LINGO2: variants seen among roughly 807,000 people sequenced by gnomAD.
The protein encoded by LINGO2 is leucine rich repeat and Ig domain containing 2.
A neutral mutation model predicts 30.6 loss-of-function variants in LINGO2; 14 were observed. The observed-to-expected ratio is 0.46, with a 90% CI of 0.30 to 0.72. LINGO2 has a LOEUF of 0.72. Ranked by LOEUF, LINGO2 falls within the 30% of genes least tolerant of loss-of-function variation. The probability of loss-of-function intolerance (pLI) is 0.07; values close to 1 mark genes in which losing one functional copy is unlikely to be tolerated. For missense variants in LINGO2, 729 were observed against 751.7 expected (o/e 0.97, Z 0.35); for synonymous variants, 317 against 288.5 (o/e 1.10, Z -1.00).
intron 2 of LINGO2, among the ~76,000 whole-genome samples, chr9:28,442,702 T>G (rs1457780695): frequency 1.3e-5 from 2 of 152,172 alleles, no homozygotes; most frequent in Non-Finnish European, 2.9e-5. Flanking sequence ...CAGAGGCTTC[T>G]GCTAGGTAAT....
At chr9:28,876,058 T>G in the LINGO2 span, among the ~76,000 whole-genome samples, 2 of 152,112 alleles carry the variant, frequency 1.3e-5, no homozygotes, top group Non-Finnish European at 2.9e-5. Context: ...CCGAGTATTT[T>G]TTAAACCATG....
chr9:27,973,094 G>A (rs143462136), intron 5 of LINGO2, among the ~76,000 whole-genome samples: 16 of 152,194 alleles, frequency 1.1e-4, no homozygotes, highest in South Asian at 4.1e-4. Context: ...CTGGTTTTCC[G>A]GCTTGCAGAG....
the LINGO2 span, among the ~76,000 whole-genome samples, chr9:29,004,119 G>A: frequency 2.6e-5 from 4 of 151,854 alleles, no homozygotes; most frequent in African/African-American, 4.8e-5. Flanking sequence ...AATTAAATAA[G>A]TTATACAAAA....
the LINGO2 span, among the ~76,000 whole-genome samples, chr9:28,691,171 A>G: frequency 3.1e-3 from 470 of 152,336 alleles, 3 homozygotes; most frequent in African/African-American, 0.011. Flanking sequence ...TGATGGGGAT[A>G]TATCTCAATA....
the LINGO2 span, among the ~76,000 whole-genome samples, chr9:28,694,167 G>T: frequency 4.0e-5 from 6 of 151,338 alleles, no homozygotes; most frequent in Admixed American, 3.9e-4. Flanking sequence ...TTTTATTATG[G>T]ACACATTTTT....
chr9:28,981,879 C>A, the LINGO2 span, among the ~76,000 whole-genome samples: 1 of 151,938 alleles, frequency 6.6e-6, no homozygotes, highest in Admixed American at 6.6e-5. Context: ...GAAATGCAGC[C>A]TGGTATACTG....
intron 3 of LINGO2, among the ~76,000 whole-genome samples, chr9:28,337,231 C>G (rs1021099542): frequency 2.0e-5 from 3 of 151,370 alleles, no homozygotes; most frequent in Non-Finnish European, 4.4e-5. Flanking sequence ...TTCTACAATG[C>G]TTATGTATTA....
At chr9:28,339,807 A>G (rs774453298) in intron 3 of LINGO2, among the ~76,000 whole-genome samples, 1 of 152,164 alleles carries the variant, frequency 6.6e-6, no homozygotes, top group Non-Finnish European at 1.5e-5. Context: ...CTTCATTCCT[A>G]CAGGAGTCAA....
Position 28,253,075 on chromosome 9 carries a change from T to TA in LINGO2, c.-87+42132dup, listed in dbSNP as rs57600944. On this transcript the variant is annotated intron_variant, in intron 4 of 5. Transcript: ENST00000379992. ...TAAACTTCCTCATGTTTCAATTTGC[T>TA]AAAAAAAAAAAAATATTATTTTCTT... 8.1e-3 allele frequency among the ~76,000 whole-genome samples: 1,148 copies of TA among 141,614 alleles called. 9 individuals are homozygous for TA. The highest frequency in any genetic ancestry group is 0.016 in the African/African-American group (610 of 39,242). 92.9% of individuals were successfully genotyped at this position (141,614 alleles called of 152,430 possible).
At chr9:28,691,194 G>C in the LINGO2 span, among the ~76,000 whole-genome samples, 1 of 152,214 alleles carries the variant, frequency 6.6e-6, no homozygotes, top group African/African-American at 2.4e-5. Context: ...TCTCAAAAGA[G>C]ATTGGTTTAC....
At chr9:29,166,376 T>G in the LINGO2 span, among the ~76,000 whole-genome samples, 5 of 152,074 alleles carry the variant, frequency 3.3e-5, no homozygotes, top group Non-Finnish European at 7.4e-5. Flanking sequence ...CAAGTAGGTG[T>G]GCATAGAGGT....
chr9:27,990,469 C>CA (rs953777526), intron 5 of LINGO2, among the ~76,000 whole-genome samples: 2 of 124,252 alleles, frequency 1.6e-5, no homozygotes, highest in Non-Finnish European at 3.7e-5. Context: ...AATACCCCCC[C>CA]CCCTTTTATT....
At chr9:28,193,081 A>G (rs1819879763) in intron 4 of LINGO2, among the ~76,000 whole-genome samples, 1 of 152,198 alleles carries the variant, frequency 6.6e-6, no homozygotes, top group South Asian at 2.1e-4. Flanking sequence ...AGAGGAATCA[A>G]GATGAAAAGA....
At chr9:28,864,836 C>A in the LINGO2 span, among the ~76,000 whole-genome samples, 1 of 151,846 alleles carries the variant, frequency 6.6e-6, no homozygotes, top group African/African-American at 2.4e-5. Flanking sequence ...ATTTGTTTTG[C>A]GCTTATCATG....
At chr9:28,539,398 A>G (rs561835242) in intron 1 of LINGO2, among the ~76,000 whole-genome samples, 33 of 152,286 alleles carry the variant, frequency 2.2e-4, no homozygotes, top group Admixed American at 1.4e-3. Context: ...AGTTAATACA[A>G]TTCTCTTCAT....
the LINGO2 span, among the ~76,000 whole-genome samples, chr9:29,090,839 TATC>T: frequency 6.6e-6 from 1 of 151,996 alleles, no homozygotes; most frequent in Non-Finnish European, 1.5e-5. Context: ...GTAGGAATAA[TATC>T]AACATTTTCT....
the LINGO2 span, among the ~76,000 whole-genome samples, chr9:29,189,057 GC>G: frequency 1.0e-3 from 108 of 106,038 alleles, no homozygotes; most frequent in Non-Finnish European, 1.8e-3. Context: ...CGGGCGGGGG[GC>G]TGACCCCCCC....
At chr9:28,477,391 C>T (rs1261635194) in intron 1 of LINGO2, among the ~76,000 whole-genome samples, 3 of 151,982 alleles carry the variant, frequency 2.0e-5, no homozygotes, top group Non-Finnish European at 2.9e-5. Flanking sequence ...AGATCCACAG[C>T]TAGTAAAAAA....
At chr9:28,257,593 A>G (rs1219710023) in intron 4 of LINGO2, among the ~76,000 whole-genome samples, 2 of 151,964 alleles carry the variant, frequency 1.3e-5, no homozygotes, top group African/African-American at 4.8e-5. Flanking sequence ...CATTTTGGCA[A>G]TGATGGATAT....
Sources: allele counts gnomAD v4.1 joint callset (sites outside exome capture counted in the v4.1 genomes callset), GRCh38; gene constraint gnomAD v4.1.1; transcripts MANE v1.5; gene names NCBI Gene and HGNC (gene_info 2026-07-23, HGNC 2026-07-21).